The following ATP10A variants were observed in gnomAD, a reference collection of about 807,000 sequenced individuals.
The protein encoded by ATP10A is ATPase phospholipid transporting 10A (putative).
ATP10A carries 111 observed loss-of-function variants against 147.8 expected under a neutral mutation model. The observed-to-expected ratio is 0.75, with a 90% CI of 0.64 to 0.88. The LOEUF (loss-of-function observed/expected upper bound fraction) is 0.88, where lower values mean the gene tolerates loss of function less well. ATP10A is among the 40% of genes least tolerant of loss of function. The probability of loss-of-function intolerance (pLI) is 0.00; values close to 1 mark genes in which losing one functional copy is unlikely to be tolerated. For synonymous variants in ATP10A, 875 were observed against 841.6 expected, an observed-to-expected ratio of 1.04 and a Z score of -0.69; for missense variants, 1,927 against 1,959.0, an observed-to-expected ratio of 0.98 and a Z score of 0.31.
chr15:25,679,477 T>G lies in ATP10A; in HGVS notation c.4364A>C (p.Gln1455Pro), dbSNP rs555879958. 3 of 1,614,002 alleles carry G rather than the reference T, an allele frequency of 1.9e-6. No individual in the cohort carries two copies. Among genetic ancestry groups the G allele is most frequent in the Admixed American group, 1.7e-5 (1 of 60,024 alleles). Reference sequence around the variant, plus strand: ...TGCAAGCTGCTCCGTCCGGGAGAACTGTAAGACACTCCCCAGCCTGCTGAC... The same window carrying G: ...TGCAAGCTGCTCCGTCCGGGAGAACGGTAAGACACTCCCCAGCCTGCTGAC... ...SLVSRLGSVL[Q>P]FSRTEQLADG... Residue 1455 changes from glutamine to proline, a missense_variant, in exon 21 of 21, where the codon CAG (glutamine) becomes CCG (proline). Coordinates refer to ENST00000555815, the MANE Select transcript of ATP10A (RefSeq NM_024490.4).
chr15:25,847,178 A>C (rs1893058306), intron 1 of ATP10A, among the ~76,000 whole-genome samples: 1 of 152,088 alleles, frequency 6.6e-6, no homozygotes, highest in South Asian at 2.1e-4. Flanking sequence ...TCTCATCCAC[A>C]CACATCAAAG....
chr15:25,758,941 G>T (rs914514173), intron 2 of ATP10A, among the ~76,000 whole-genome samples: 1 of 152,010 alleles, frequency 6.6e-6, no homozygotes, highest in Non-Finnish European at 1.5e-5. Context: ...CCTGCTATCT[G>T]CTCTCCCCTG....
intron 1 of ATP10A, among the ~76,000 whole-genome samples, chr15:25,846,193 TC>T (rs1318826713): frequency 6.6e-6 from 1 of 152,110 alleles, no homozygotes; most frequent in Non-Finnish European, 1.5e-5. Flanking sequence ...GCACAAAGTT[TC>T]CGTTTGGGAG....
intron 1 of ATP10A, among the ~76,000 whole-genome samples, chr15:25,803,694 C>T (rs1312862906): frequency 1.4e-5 from 2 of 138,918 alleles, no homozygotes; most frequent in African/African-American, 3.0e-5. Flanking sequence ...GGACAGCCCA[C>T]AGTGGGCACT....
At chr15:25,722,013 A>G in intron 6 of ATP10A, 104 bp from the exon 7 acceptor site, 1 of 1,292,006 alleles carries the variant, frequency 7.7e-7, no homozygotes, top group Non-Finnish European at 1.1e-6. Flanking sequence ...GCAAGAAAGT[A>G]GGGACTATAC....
rs555029681 is a variant in ATP10A, at chr15:25,791,349, C to CT, written c.450-10127dup. 1.6e-4 allele frequency among the ~76,000 whole-genome samples: 24 copies of CT among 152,120 alleles called. No individual in the cohort carries two copies. In the South Asian group the frequency reaches 4.0e-3, roughly 25 times the overall value. On this transcript the variant is annotated intron_variant, in intron 1 of 20. Transcript: ENST00000555815. ...TCTGCATGTTTCCCCTTCAATCTTTCTTTTTTTCTTCTTCTTCTGATTTAT... is the reference window on the plus strand; with the variant it reads ...TCTGCATGTTTCCCCTTCAATCTTTCTTTTTTTTCTTCTTCTTCTGATTTAT...
At chr15:25,769,806 C>T (rs1889241663) in intron 2 of ATP10A, among the ~76,000 whole-genome samples, 1 of 152,196 alleles carries the variant, frequency 6.6e-6, no homozygotes, top group Admixed American at 6.5e-5. Flanking sequence ...TCCCCAGATT[C>T]ATGCGTTCAA....
chr15:25,680,901 G>A lies in ATP10A; in HGVS notation c.3587C>T (p.Ser1196Leu), dbSNP rs1193674809. 9.9e-6 allele frequency: 16 copies of A among 1,614,016 alleles called. No homozygotes were observed. Among genetic ancestry groups the A allele is most frequent in the African/African-American group, 1.3e-5 (1 of 74,892 alleles). The change falls in exon 19 of 21, where the codon TCG becomes TTG. Residue 1196 changes from serine to leucine, a missense_variant. Physicochemically the swap from Ser to Leu is moderately radical, Grantham distance 145. Transcript: ENST00000555815. ...CCCCCAGGTAAACAGGTCCACGTTC[G>A]AGTCATAGTAGGCCTGAAAGACAGT... ...FSIPYLAYYD[S>L]NVDLFTWGTP...
chr15:25,696,019 G>A (rs913849672), intron 13 of ATP10A, among the ~76,000 whole-genome samples: 4 of 152,126 alleles, frequency 2.6e-5, no homozygotes, highest in African/African-American at 9.7e-5. Flanking sequence ...TACGGTGGTA[G>A]CAGCACTAGG....
rs1901871425 is a variant in ATP10A at position 25,717,149 on chromosome 15, C to T, written c.1582-225G>A. Among the ~76,000 whole-genome samples the T allele has an allele frequency of 2.0e-5, 3 of 152,212 alleles. No homozygotes were observed. In the South Asian group the frequency reaches 6.2e-4, roughly 31 times the overall value. On this transcript the variant is annotated intron_variant, in intron 8 of 20. Coordinates refer to ENST00000555815, the MANE Select transcript of ATP10A (RefSeq NM_024490.4). ...GAAAACCATGCTTCAGCATTGCCCTCTAGTCTTTTCGCTCTACATTTAAAT... is the reference window on the plus strand; with the variant it reads ...GAAAACCATGCTTCAGCATTGCCCTTTAGTCTTTTCGCTCTACATTTAAAT...
chr15:25,730,000 C>T (rs891081273), intron 3 of ATP10A, among the ~76,000 whole-genome samples: 1 of 151,864 alleles, frequency 6.6e-6, no homozygotes, highest in African/African-American at 2.4e-5. Context: ...CAAGAAAAGA[C>T]AGGGAGTAGG....
intron 1 of ATP10A, among the ~76,000 whole-genome samples, chr15:25,821,409 A>C (rs1567409466): frequency 4.5e-5 from 3 of 67,300 alleles, no homozygotes; most frequent in African/African-American, 3.4e-4. Flanking sequence ...CAAAAAAAAA[A>C]ACAAACAAAA....
intron 2 of ATP10A, chr15:25,738,629 G>A (rs947465409): frequency 1.3e-5 from 2 of 152,170 alleles, no homozygotes; most frequent in Non-Finnish European, 2.9e-5. Context: ...CCAACTCTGA[G>A]AATTGACTGA....
chr15:25,797,425 G>C (rs1890723516), intron 1 of ATP10A, among the ~76,000 whole-genome samples: 1 of 152,144 alleles, frequency 6.6e-6, no homozygotes, highest in Non-Finnish European at 1.5e-5. Flanking sequence ...CATGGTGGCT[G>C]CCCTGGCCCC....
intron 2 of ATP10A, among the ~76,000 whole-genome samples, chr15:25,763,686 A>G (rs531191815): frequency 5.3e-5 from 8 of 152,370 alleles, no homozygotes; most frequent in African/African-American, 1.9e-4. Flanking sequence ...GATTCACTCC[A>G]GGAAGCACAG....
At chr15:25,689,843 G>A (rs1899920750) in intron 15 of ATP10A, among the ~76,000 whole-genome samples, 4 of 152,202 alleles carry the variant, frequency 2.6e-5, no homozygotes, top group Non-Finnish European at 4.4e-5. Flanking sequence ...GAGCAGGCAT[G>A]GCAGCTCCGG....
chr15:25,775,965 G>A (rs1185835988), intron 2 of ATP10A, among the ~76,000 whole-genome samples: 2 of 152,132 alleles, frequency 1.3e-5, no homozygotes, highest in African/African-American at 2.4e-5. Context: ...GACTTCAACC[G>A]TCTATCCAAC....
intron 17 of ATP10A, among the ~76,000 whole-genome samples, chr15:25,681,730 C>T (rs1209895504): frequency 1.3e-5 from 2 of 152,150 alleles, no homozygotes; most frequent in Non-Finnish European, 2.9e-5. Context: ...ACCAAAAAGA[C>T]GAGCTTCAGT....
intron 1 of ATP10A, among the ~76,000 whole-genome samples, chr15:25,843,458 A>G (rs1892897624): frequency 6.6e-6 from 1 of 152,154 alleles, no homozygotes; most frequent in Admixed American, 6.5e-5. Context: ...CTGTATAGAC[A>G]GGATGATAGA....
Sources: gnomAD v4.1 joint callset for allele counts (sites outside exome capture counted in the v4.1 genomes callset) on GRCh38, gnomAD v4.1.1 for gene constraint, MANE v1.5 for transcripts, NCBI Gene and HGNC (gene_info 2026-07-23, HGNC 2026-07-21) for gene names.